Variants in STON1 observed in about 807,000 individuals in gnomAD.
STON1 encodes the protein stonin 1.
Under a neutral mutation model 60.9 loss-of-function variants are expected in STON1, and 79 were observed. The ratio of observed to expected loss-of-function variants is 1.30; its 90% confidence interval spans 1.08 to 1.56. STON1 has a LOEUF of 1.56. Among genes scored for constraint, STON1 ranks in the 40% most tolerant of loss-of-function variants. STON1 has a pLI of 0.00. For synonymous variants in STON1, 363 were observed against 306.9 expected (o/e 1.18, Z -1.91); for missense variants, 1,166 against 858.9 (o/e 1.36, Z -4.47).
chr2:48,591,570 G>A, intron 2 of STON1, 83 bp from the exon 3 acceptor site: 1 of 1,532,732 alleles, frequency 6.5e-7, no homozygotes, highest in Non-Finnish European at 8.8e-7. Context: ...TTATTAAGGA[G>A]AGAGATGAGT....
At chr2:48,593,447 A>T (rs1290041793) in intron 3 of STON1, among the ~76,000 whole-genome samples, 3 of 152,200 alleles carry the variant, frequency 2.0e-5, no homozygotes, top group Non-Finnish European at 4.4e-5. Context: ...ATATTTCAAA[A>T]ATCACAAAAA....
At chr2:48,577,756 C>T (rs1013503814) in intron 1 of STON1, among the ~76,000 whole-genome samples, 2 of 150,756 alleles carry the variant, frequency 1.3e-5, no homozygotes, top group African/African-American at 2.4e-5. Context: ...GCTGGGATTA[C>T]AGGCGTCCAC....
In STON1 at chr2:48,596,535, T is replaced by G. The variant is rs1251847250; in HGVS notation, c.*1233T>G. ...CAAACTCCCCCATGTGGTATTAATATACCTTCAATTTATGTTGAGTCTTAA... is the reference window on the plus strand; with the variant it reads ...CAAACTCCCCCATGTGGTATTAATAGACCTTCAATTTATGTTGAGTCTTAA... On this transcript the variant is annotated 3_prime_UTR_variant, in exon 4 of 4. Transcript: ENST00000404752. 2.6e-5 allele frequency: 4 copies of G among 152,354 alleles called. No homozygotes were observed. The highest frequency in any genetic ancestry group is 3.4e-3 in the Middle Eastern group (1 of 294). The allele number at this position is 152,354 out of a possible 1,614,324, so 9.4% of individuals were successfully genotyped here.
intron 1 of STON1, among the ~76,000 whole-genome samples, chr2:48,571,344 G>C (rs1996970): frequency 0.62 from 93,967 of 151,992 alleles, 29,431 homozygotes; most frequent in Non-Finnish European, 0.65. Context: ...TGCCAGGAGT[G>C]TTTGGTTCCC....
At chr2:48,532,012 G>T (rs1671230323) in intron 1 of STON1, 1 of 152,178 alleles carries the variant, frequency 6.6e-6, no homozygotes, top group Admixed American at 6.5e-5. Flanking sequence ...GTATGAATCA[G>T]TTAGGTTTTA....
chr2:48,581,404 A>C lies in STON1; in HGVS notation c.771A>C (p.Glu257Asp). Residue 257 changes from glutamate (E) to aspartate (D), a missense_variant, in exon 2 of 4, where the codon GAA becomes GAC. Physicochemically the swap from Glu to Asp is conservative, Grantham distance 45. Coordinates refer to ENST00000404752, the MANE Select transcript of STON1 (RefSeq NM_006873.4). ...SLSMHCLCAE[E>D]NASSFVPHTL... ...CTATGCACTGTCTATGTGCTGAAGA[A>C]AATGCCTCTTCCTTTGTCCCCCACA... 6.2e-7 allele frequency: 1 copy of C among 1,610,156 alleles called. No individual in the cohort carries two copies.
At position 48,536,086 on chromosome 2, in the gene STON1, CA is replaced by C. The variant is rs376986223; in HGVS notation, c.-48+5876del. ...TGGGTGACAGAGCGACACTCTGTCTCAAAAAATAAATCAAAAAACCTAAAAA... is the reference window on the plus strand; with the variant it reads ...TGGGTGACAGAGCGACACTCTGTCTCAAAAATAAATCAAAAAACCTAAAAA... On this transcript the variant is annotated intron_variant, in intron 1 of 3. Transcript: ENST00000404752. Among the ~76,000 whole-genome samples, 472 of 149,614 alleles carry C rather than the reference CA, an allele frequency of 3.2e-3. 2 individuals carry two copies. The highest frequency in any genetic ancestry group is 0.011 in the African/African-American group (440 of 40,610).
In STON1 at chr2:48,564,714, C is replaced by CTTCT. The variant is rs1204519245; in HGVS notation, c.-47-15854_-47-15851dup. 1.8e-3 allele frequency among the ~76,000 whole-genome samples: 231 copies of CTTCT among 129,902 alleles called. 4 individuals are homozygous for CTTCT. Among genetic ancestry groups the CTTCT allele is most frequent in the African/African-American group, 5.5e-3 (194 of 35,204 alleles). The allele number at this position is 129,902 out of a possible 152,430, so 85.2% of individuals were successfully genotyped here. A position where few individuals can be genotyped will look rare whatever the true frequency, so the allele number is the denominator to read the frequency against. On this transcript the variant is annotated intron_variant, in intron 1 of 3. Transcript: ENST00000404752. Reference sequence around the variant, plus strand: ...TTCTTCTTCTTCTTCTTCCTTATTTCTTCTTTCTTTCTTTCTTTCTTTTTT... The same window carrying CTTCT: ...TTCTTCTTCTTCTTCTTCCTTATTTCTTCTTTCTTTCTTTCTTTCTTTCTTTTTT...
Position 48,563,072 on chromosome 2 carries a change from G to A in STON1, c.-47-17515G>A, listed in dbSNP as rs144634841. ...TGTGAAGGGCAGGTAACCAGGAATGGTGACATGGTAAGGTTGAGTGGAGAC... is the reference window on the plus strand; with the variant it reads ...TGTGAAGGGCAGGTAACCAGGAATGATGACATGGTAAGGTTGAGTGGAGAC... On this transcript the variant is annotated intron_variant, in intron 1 of 3. Transcript: ENST00000404752. 3.1e-4 allele frequency among the ~76,000 whole-genome samples: 47 copies of A among 152,344 alleles called. No homozygotes were observed. In the East Asian group the frequency reaches 5.0e-3, roughly 16 times the overall value.
intron 1 of STON1, among the ~76,000 whole-genome samples, chr2:48,561,254 T>G (rs936693636): frequency 6.6e-6 from 1 of 152,236 alleles, no homozygotes; most frequent in Non-Finnish European, 1.5e-5. Flanking sequence ...CTCCTGTGGC[T>G]CCACTAGTCC....
In STON1 at chr2:48,580,827, C is replaced by T. The variant is rs77258218; in HGVS notation, c.194C>T (p.Pro65Leu). ...ACCAGCAGCACTCCTCTCTCCTCCC[C>T]CATTGTAGATTTTTATTTCAGTCCA... ...SSTSSTPLSS[P>L]IVDFYFSPGP... Residue 65 changes from proline to leucine, a missense_variant, in exon 2 of 4, where the codon CCC (proline) becomes CTC (leucine). By Grantham distance (98) the Pro-to-Leu change is moderately conservative. Coordinates refer to ENST00000404752, the MANE Select transcript of STON1 (RefSeq NM_006873.4). 1.9e-6 allele frequency: 3 copies of T among 1,548,422 alleles called. No homozygotes were observed. The highest frequency in any genetic ancestry group is 2.6e-6 in the Non-Finnish European group (3 of 1,150,694).
chr2:48,564,448 T>C (rs1468054144), intron 1 of STON1, among the ~76,000 whole-genome samples: 27 of 52,750 alleles, frequency 5.1e-4, no homozygotes, highest in African/African-American at 1.6e-3. Flanking sequence ...TTCTTCTTCT[T>C]CTTCTTCTTC....
rs1672241203 is a variant in STON1 at position 48,554,710 on chromosome 2, T to A, written c.-48+24494T>A. Among the ~76,000 whole-genome samples the A allele has an allele frequency of 7.7e-5, 4 of 52,056 alleles. 1 individual carries two copies. The South Asian group carries it at 2.0e-3, about 26-fold the overall frequency. 34.2% of individuals were successfully genotyped at this position (52,056 alleles called of 152,430 possible). On this transcript the variant is annotated intron_variant, in intron 1 of 3. Transcript: ENST00000404752. ...CTACTCAAACTTTAAGTGCAAAATT[T>A]TTTTTTTTTTTTTTTATTTATTTAT... is the stretch of plus-strand genomic sequence containing the variant.
chr2:48,564,204 T>C (rs916894794), intron 1 of STON1, among the ~76,000 whole-genome samples: 2 of 152,168 alleles, frequency 1.3e-5, no homozygotes, highest in African/African-American at 4.8e-5. Context: ...GTCTTCAAGT[T>C]TGAGCTACTA....
chr2:48,554,425 G>A (rs1334654212), intron 1 of STON1, among the ~76,000 whole-genome samples: 2 of 152,084 alleles, frequency 1.3e-5, no homozygotes, highest in Admixed American at 6.6e-5. Context: ...GTTTTACCAC[G>A]TTGGCCAGGC....
chr2:48,544,834 A>C (rs778453810), intron 1 of STON1, among the ~76,000 whole-genome samples: 1 of 152,220 alleles, frequency 6.6e-6, no homozygotes, highest in Non-Finnish European at 1.5e-5. Context: ...GGCGTGAGCC[A>C]CTGAGCCCGG....
chr2:48,595,651 G>A lies in STON1; in HGVS notation c.*349G>A, dbSNP rs776826647. The A allele has an allele frequency of 2.6e-5, 7 of 266,818 alleles. No homozygotes were observed. Among genetic ancestry groups the A allele is most frequent in the African/African-American group, 6.9e-5 (3 of 43,406 alleles). 16.5% of individuals were successfully genotyped at this position (266,818 alleles called of 1,614,324 possible). Reference sequence around the variant, plus strand: ...TTGCTCTCTGGATTACTGAGGTGCCGTCTTCATTTCTTCCCATCTCTTCTT... The same window carrying A: ...TTGCTCTCTGGATTACTGAGGTGCCATCTTCATTTCTTCCCATCTCTTCTT... On this transcript the variant is annotated 3_prime_UTR_variant, in exon 4 of 4. Coordinates refer to ENST00000404752, the MANE Select transcript of STON1 (RefSeq NM_006873.4).
rs1422023011 is a variant in STON1, at chr2:48,581,351, G to A, written c.718G>A (p.Glu240Lys). The A allele has an allele frequency of 3.2e-6, 5 of 1,555,880 alleles. No individual in the cohort carries two copies. In the South Asian group the frequency reaches 6.3e-5, roughly 20 times the overall value. The change falls in exon 2 of 4, where the codon GAG becomes AAG. Residue 240 changes from glutamate to lysine, a missense_variant. Transcript: ENST00000404752. The part of the protein sequence containing the change: ...CEKLEHLQSA[E>K]NQDSLRSLSM... ...GAAGCTTGAACATCTCCAGTCAGCTGAGAACCAAGACTCACTTAGAAGTTT... is the reference window on the plus strand; with the variant it reads ...GAAGCTTGAACATCTCCAGTCAGCTAAGAACCAAGACTCACTTAGAAGTTT...
At chr2:48,532,181 C>G (rs548325796) in intron 1 of STON1, among the ~76,000 whole-genome samples, 2 of 152,014 alleles carry the variant, frequency 1.3e-5, no homozygotes, top group South Asian at 4.2e-4. Context: ...AACCCCGTCT[C>G]TATTAAAAAT....
Sources: gnomAD v4.1 joint callset for allele counts (sites outside exome capture counted in the v4.1 genomes callset) on GRCh38, gnomAD v4.1.1 for gene constraint, MANE v1.5 for transcripts, NCBI Gene and HGNC (gene_info 2026-07-23, HGNC 2026-07-21) for gene names.